CYP2C8: variants seen among roughly 807,000 people sequenced by gnomAD.
CYP2C8 encodes the protein cytochrome P450 2C8.
In CYP2C8, 51 loss-of-function variants were observed where a neutral mutation model predicts 41.3. That is an observed-to-expected ratio of 1.24 (90% confidence interval 0.99 to 1.56). The LOEUF is 1.56. Ranked by LOEUF, CYP2C8 falls within the 40% of genes most tolerant of loss-of-function variation. CYP2C8 has a pLI of 0.00. For synonymous variants in CYP2C8, 218 were observed against 205.8 expected, an observed-to-expected ratio of 1.06 and a Z score of -0.51; for missense variants, 651 against 579.9, an observed-to-expected ratio of 1.12 and a Z score of -1.26.
At chr10:95,047,963 C>T (rs953004902) in intron 5 of CYP2C8, among the ~76,000 whole-genome samples, 2 of 152,178 alleles carry the variant, frequency 1.3e-5, no homozygotes, top group Non-Finnish European at 2.9e-5. Context: ...TACTTGTGCT[C>T]ATGAAGGCAA....
chr10:95,048,959 G>T (rs890041803), intron 5 of CYP2C8, among the ~76,000 whole-genome samples: 58 of 152,168 alleles, frequency 3.8e-4, no homozygotes, highest in Non-Finnish European at 7.1e-4. Flanking sequence ...AACAAAAACA[G>T]TTGACAATGG....
intron 5 of CYP2C8, among the ~76,000 whole-genome samples, chr10:95,048,884 T>TA (rs909320594): frequency 2.6e-5 from 4 of 151,962 alleles, no homozygotes; most frequent in Admixed American, 6.6e-5. Context: ...AAAAAACCTA[T>TA]AAAAAACTCT....
At position 95,069,347 on chromosome 10, in the gene CYP2C8, A is replaced by C. The variant is rs1270973407; in HGVS notation, c.56T>G (p.Leu19Arg). The C allele has an allele frequency of 6.2e-7, 1 of 1,614,132 alleles. No individual in the cohort carries two copies. Among genetic ancestry groups the C allele is most frequent in the Non-Finnish European group, 8.5e-7 (1 of 1,180,024 alleles). ...CCTTCTCCTACAGCTCTGTCTCCAG[A>C]GTGAAAAGAGAAGCATAAAAGAGAG... ...LCLSFMLLFS[L>R]WRQSCRRRKL... Residue 19 changes from leucine to arginine, a missense_variant, in exon 1 of 9, where the codon CTC becomes CGC. Physicochemically the swap from Leu to Arg is moderately radical, Grantham distance 102. Coordinates refer to ENST00000371270, the MANE Select transcript of CYP2C8 (RefSeq NM_000770.3).
At chr10:95,042,277 T>G (rs529120472) in intron 7 of CYP2C8, among the ~76,000 whole-genome samples, 25 of 152,186 alleles carry the variant, frequency 1.6e-4, no homozygotes, top group South Asian at 1.0e-3. Flanking sequence ...ATAATATACA[T>G]AGAAATTCCA....
intron 3 of CYP2C8, among the ~76,000 whole-genome samples, chr10:95,065,356 C>T (rs1475226856): frequency 1.3e-5 from 2 of 152,022 alleles, no homozygotes; most frequent in Non-Finnish European, 2.9e-5. Flanking sequence ...AAGTTGGGGA[C>T]CTAGAAATGT....
rs1273845736 is a variant in CYP2C8 at position 95,067,226 on chromosome 10, C to T, written c.463G>A (p.Glu155Lys). 7 of 1,614,116 alleles carry T rather than the reference C, an allele frequency of 4.3e-6. No individual in the cohort carries two copies. The highest frequency in any genetic ancestry group is 5.9e-6 in the Non-Finnish European group (7 of 1,180,004). ...CACCCACCCTTGGTTTTTCTCAACT[C>T]CTCCACAAGGCAGTGAGCTTCCTCT... ...VQEEAHCLVE[E>K]LRKTKASPCD... Residue 155 changes from glutamate (E) to lysine (K), a missense_variant, in exon 3 of 9, where the codon GAG becomes AAG. Coordinates refer to ENST00000371270, the MANE Select transcript of CYP2C8 (RefSeq NM_000770.3).
chr10:95,058,661 C>T (rs1926705), intron 4 of CYP2C8, 150 bp from the exon 5 acceptor site: 457,125 of 699,110 alleles, frequency 0.65, 153,265 homozygotes, highest in African/African-American at 0.82. Context: ...TTTTTTATTA[C>T]ACTTTAAGTT....
chr10:95,045,939 G>T lies in CYP2C8; in HGVS notation c.832C>A (p.Gln278Lys). The stretch of plus-strand genomic sequence containing the variant: ...TTTTCAATATTGAATTCTGACTTTT[G>T]GTTGTCCTTTTCCTAGAAGTGATTT... ...LIKMEQEKDN[Q>K]KSEFNIENLV... The change falls in exon 6 of 9, where the codon CAA becomes AAA. Residue 278 changes from glutamine (Q) to lysine (K), a missense_variant. Coordinates refer to ENST00000371270, the MANE Select transcript of CYP2C8 (RefSeq NM_000770.3). 5 of 1,613,812 alleles carry T rather than the reference G, an allele frequency of 3.1e-6. No individual in the cohort carries two copies. The highest frequency in any genetic ancestry group is 4.2e-6 in the Non-Finnish European group (5 of 1,179,822).
At position 95,067,638 on chromosome 10, in the gene CYP2C8, T is replaced by G. The variant is rs765368370; in HGVS notation, c.222A>C (p.Ile74=). The change falls in exon 2 of 9, where the codon ATA becomes ATC. Residue 74 remains isoleucine, a synonymous_variant. Transcript: ENST00000371270. The part of the protein sequence containing the change: ...VFTVYFGMNP[I]VVFHGYEAVK... Reference sequence around the variant, plus strand: ...CTGCCTCATATCCATGAAACACCACTATGGGATTCATGCCAAAATACACGG... The same window carrying G: ...CTGCCTCATATCCATGAAACACCACGATGGGATTCATGCCAAAATACACGG... The G allele has an allele frequency of 6.2e-7, 1 of 1,613,928 alleles. No individual in the cohort carries two copies. The highest frequency in any genetic ancestry group is 1.3e-5 in the African/African-American group (1 of 74,898).
At chr10:95,048,204 T>G (rs1199472818) in intron 5 of CYP2C8, among the ~76,000 whole-genome samples, 1 of 152,234 alleles carries the variant, frequency 6.6e-6, no homozygotes, top group African/African-American at 2.4e-5. Flanking sequence ...ACAGTCCATT[T>G]GGCTTATGAT....
chr10:95,059,673 T>C (rs2033383499), intron 4 of CYP2C8, among the ~76,000 whole-genome samples: 1 of 152,234 alleles, frequency 6.6e-6, no homozygotes, highest in South Asian at 2.1e-4. Context: ...CAATTTTGGC[T>C]TTTGTTGCCA....
rs1156763423 is a variant in CYP2C8 at position 95,067,695 on chromosome 10, G to A, written c.169-4C>T. ...CAGGACCATAGACTTTTGAGAACTG[G>A]GAAAGGAAATGCAAATAGCAGCAAA... On this transcript the variant is annotated splice_polypyrimidine_tract_variant and splice_region_variant and intron_variant, in intron 1 of 8. Transcript: ENST00000371270. 1.2e-6 allele frequency: 2 copies of A among 1,613,912 alleles called. No homozygotes were observed. Among genetic ancestry groups the A allele is most frequent in the East Asian group, 2.2e-5 (1 of 44,876 alleles).
At chr10:95,064,237 C>T (rs572395996) in intron 4 of CYP2C8, among the ~76,000 whole-genome samples, 1 of 152,298 alleles carries the variant, frequency 6.6e-6, no homozygotes, top group East Asian at 1.9e-4. Flanking sequence ...GTGGATTCTA[C>T]AGAGGCAGGC....
intron 7 of CYP2C8, among the ~76,000 whole-genome samples, chr10:95,041,230 C>A (rs1484336457): frequency 6.6e-6 from 1 of 152,152 alleles, no homozygotes; most frequent in East Asian, 1.9e-4. Context: ...CTACTAAAAT[C>A]TTAAAGATTT....
At chr10:95,050,888 A>G (rs1210346351) in intron 5 of CYP2C8, among the ~76,000 whole-genome samples, 1 of 152,060 alleles carries the variant, frequency 6.6e-6, no homozygotes, top group East Asian at 1.9e-4. Flanking sequence ...AAAAAACCCC[A>G]GACTACAAAG....
intron 6 of CYP2C8, among the ~76,000 whole-genome samples, chr10:95,043,769 A>G (rs993618660): frequency 6.6e-6 from 1 of 151,560 alleles, no homozygotes; most frequent in Non-Finnish European, 1.5e-5. Flanking sequence ...CACACACACA[A>G]TTCTCCTCCT....
intron 6 of CYP2C8, 40 bp from the exon 7 acceptor site, chr10:95,043,117 T>C: frequency 2.5e-6 from 4 of 1,590,354 alleles, no homozygotes; most frequent in Middle Eastern, 1.7e-4. Flanking sequence ...AACGAAGATA[T>C]ATGGAACATT....
chr10:95,043,023 A>T lies in CYP2C8; in HGVS notation c.1016T>A (p.Met339Lys). 1 of 1,614,218 alleles carries T rather than the reference A, an allele frequency of 6.2e-7. No homozygotes were observed. Among genetic ancestry groups the T allele is most frequent in the South Asian group, 1.1e-5 (1 of 91,082 alleles). The change falls in exon 7 of 9, where the codon ATG (methionine) becomes AAG (lysine). Residue 339 changes from methionine (M) to lysine (K), a missense_variant. Coordinates refer to ENST00000371270, the MANE Select transcript of CYP2C8 (RefSeq NM_000770.3). ...GTAAGGCATGTGGCTCCTATCCTGC[A>T]TGCAGGGGCTCCTGTGTCTGCCAAT... ...HVIGRHRSPC[M>K]QDRSHMPYTD...
intron 4 of CYP2C8, among the ~76,000 whole-genome samples, chr10:95,062,989 A>G (rs1381787176): frequency 6.6e-6 from 1 of 152,186 alleles, no homozygotes. Flanking sequence ...TGGCTTGTAG[A>G]GTTTCTGCCG....
Sources: allele counts gnomAD v4.1 joint callset (sites outside exome capture counted in the v4.1 genomes callset), GRCh38; gene constraint gnomAD v4.1.1; transcripts MANE v1.5; gene names NCBI Gene and HGNC (gene_info 2026-07-23, HGNC 2026-07-21).